The following CYRIB variants were observed in gnomAD, a reference collection of about 807,000 sequenced individuals.
CYRIB encodes the protein CYFIP related Rac1 interactor B, also known as CYFIP-related Rac1 interactor B.
In CYRIB, 8 loss-of-function variants were observed where a neutral mutation model predicts 44.2. The ratio of observed to expected loss-of-function variants is 0.18; its 90% CI spans 0.11 to 0.33. The LOEUF (loss-of-function observed/expected upper bound fraction) is 0.33, where lower values mean the gene tolerates loss of function less well. Among genes scored for constraint, CYRIB ranks in the 10% least tolerant of loss-of-function variants. The pLI is 1.00. For synonymous variants in CYRIB, 131 were observed against 127.2 expected, an observed-to-expected ratio of 1.03 and a Z score of -0.20; for missense variants, 185 against 382.8, an observed-to-expected ratio of 0.48 and a Z score of 4.31.
intron 2 of CYRIB, among the ~76,000 whole-genome samples, chr8:129,966,311 G>A (rs1476251160): frequency 6.6e-6 from 1 of 152,242 alleles, no homozygotes; most frequent in East Asian, 1.9e-4. Context: ...CAGAATTGCA[G>A]GATCAGAGGG....
chr8:129,944,466 T>G (rs2093993686), upstream of CYRIB, among the ~76,000 whole-genome samples: 1 of 152,154 alleles, frequency 6.6e-6, no homozygotes, highest in Non-Finnish European at 1.5e-5. Flanking sequence ...ATTCCTCTTA[T>G]CTTCCAATCT....
exon 12 of CYRIB, chr8:129,841,379 A>T (rs2036237767): frequency 6.6e-6 from 1 of 152,582 alleles, no homozygotes; most frequent in Non-Finnish European, 1.5e-5. Flanking sequence ...AAGAAGAAAA[A>T]ATCATGTAAT....
chr8:129,853,174 AG>A (rs1162724294), intron 7 of CYRIB, among the ~76,000 whole-genome samples: 12 of 152,212 alleles, frequency 7.9e-5, no homozygotes, highest in South Asian at 2.1e-4. Context: ...TGAGGGTAAA[AG>A]GGAGAACCAA....
chr8:129,913,468 C>G (rs1241517955), intron 1 of CYRIB, among the ~76,000 whole-genome samples: 1 of 152,118 alleles, frequency 6.6e-6, no homozygotes, highest in Non-Finnish European at 1.5e-5. Context: ...TTAAGAAAAC[C>G]AAAGCACATT....
At chr8:129,875,598 T>C (rs1336845831) in intron 3 of CYRIB, among the ~76,000 whole-genome samples, 1 of 152,136 alleles carries the variant, frequency 6.6e-6, no homozygotes, top group Non-Finnish European at 1.5e-5. Flanking sequence ...AACTGAACTA[T>C]TATTAAATAA....
chr8:129,977,594 C>T (rs1042626094), intron 1 of CYRIB, among the ~76,000 whole-genome samples: 2 of 151,524 alleles, frequency 1.3e-5, no homozygotes, highest in South Asian at 4.2e-4. Flanking sequence ...TGCAGTGGAG[C>T]GATCTCGGCT....
At chr8:129,946,322 C>T (rs1475871817) in intron 2 of CYRIB, among the ~76,000 whole-genome samples, 1 of 152,200 alleles carries the variant, frequency 6.6e-6, no homozygotes, top group African/African-American at 2.4e-5. Context: ...GCCTCTGTAT[C>T]CAGTCTCGCT....
chr8:129,947,552 A>AT (rs1394902234), intron 2 of CYRIB, among the ~76,000 whole-genome samples: 1 of 152,178 alleles, frequency 6.6e-6, no homozygotes, highest in Non-Finnish European at 1.5e-5. Flanking sequence ...GAATGAATGG[A>AT]TAAAAAAAGG....
chr8:129,864,710 G>C, intron 4 of CYRIB: 1 of 308,992 alleles, frequency 3.2e-6, no homozygotes, highest in Non-Finnish European at 6.3e-6. Context: ...TGGGTAGCCT[G>C]TCCTTTATGG....
At chr8:129,979,782 A>T (rs1383177445) in intron 1 of CYRIB, among the ~76,000 whole-genome samples, 1 of 152,142 alleles carries the variant, frequency 6.6e-6, no homozygotes, top group Non-Finnish European at 1.5e-5. Flanking sequence ...TTGGCCTGGC[A>T]TGGTGGCAGG....
intron 1 of CYRIB, among the ~76,000 whole-genome samples, chr8:130,002,612 C>A (rs1428249540): frequency 6.6e-6 from 1 of 152,186 alleles, no homozygotes; most frequent in East Asian, 1.9e-4. Flanking sequence ...ACCTCTGACA[C>A]CATTTTGGTC....
intron 6 of CYRIB, among the ~76,000 whole-genome samples, chr8:129,854,826 G>A (rs530371147): frequency 6.6e-6 from 1 of 152,292 alleles, no homozygotes; most frequent in South Asian, 2.1e-4. Flanking sequence ...AACGTCTCAT[G>A]ACTAGGGTTA....
chr8:129,887,950 G>A (rs2063462218), intron 2 of CYRIB, among the ~76,000 whole-genome samples: 1 of 152,194 alleles, frequency 6.6e-6, no homozygotes, highest in Admixed American at 6.5e-5. Context: ...TTTGGACTGT[G>A]GACTTCTGAG....
Position 129,888,464 on chromosome 8 carries a change from GC to G in CYRIB, c.-10-8994del, listed in dbSNP as rs2063670720. 5.3e-5 allele frequency among the ~76,000 whole-genome samples: 8 copies of G among 152,226 alleles called. No homozygotes were observed. The South Asian group carries it at 1.5e-3, about 28-fold the overall frequency. ...ACACAATCTGCTCCGACACACTCTG[GC>G]CTCATCTTTCTTTACTCTCCACTGC... is the stretch of plus-strand genomic sequence containing the variant. On this transcript the variant is annotated intron_variant, in intron 2 of 11. Transcript: ENST00000519824.
rs184239052 is a variant in CYRIB, at chr8:129,982,120, C to T, written c.-295-11125G>A. ...GCAAGTCCCAAGTCCTGGAAAACCC[C>T]TCAACCAAGATGGCTGGTCACTGGT... On this transcript the variant is annotated intron_variant, in intron 1 of 14. Transcript: ENST00000401979. Among the ~76,000 whole-genome samples, 200 of 152,306 alleles carry T rather than the reference C, an allele frequency of 1.3e-3. 2 individuals are homozygous for T. The highest frequency in any genetic ancestry group is 4.6e-3 in the African/African-American group (190 of 41,562).
At chr8:129,889,849 A>G (rs2064390675) in intron 2 of CYRIB, among the ~76,000 whole-genome samples, 1 of 148,770 alleles carries the variant, frequency 6.7e-6, no homozygotes, top group Admixed American at 6.8e-5. Flanking sequence ...ATCTTGGCTC[A>G]CTGCAACCTC....
chr8:129,954,612 A>T (rs2094690129), intron 2 of CYRIB, among the ~76,000 whole-genome samples: 2 of 152,114 alleles, frequency 1.3e-5, no homozygotes, highest in Admixed American at 6.6e-5. Context: ...AATGGGAAAA[A>T]CTTTGGAATT....
chr8:129,953,439 T>C (rs2094605545), intron 2 of CYRIB, among the ~76,000 whole-genome samples: 1 of 152,206 alleles, frequency 6.6e-6, no homozygotes. Flanking sequence ...GGGTTCCTCA[T>C]CACAGCCATG....
At chr8:130,007,032 G>A (rs1049183513) in intron 1 of CYRIB, among the ~76,000 whole-genome samples, 2 of 152,050 alleles carry the variant, frequency 1.3e-5, no homozygotes, top group African/African-American at 4.8e-5. Flanking sequence ...GCATCAAGAG[G>A]TAGATTATTA....
Sources: allele counts gnomAD v4.1 joint callset (sites outside exome capture counted in the v4.1 genomes callset), GRCh38; gene constraint gnomAD v4.1.1; transcripts MANE v1.5; gene names NCBI Gene and HGNC (gene_info 2026-07-23, HGNC 2026-07-21).